The following GPR78 variants were observed in gnomAD, a reference collection of about 807,000 sequenced individuals.
GPR78 encodes G protein-coupled receptor 78.
A neutral mutation model predicts 17.9 loss-of-function variants in GPR78; 29 were observed. That is an observed-to-expected ratio of 1.62 (90% CI 1.20 to 2.21). The LOEUF is 2.21. Among genes scored for constraint, GPR78 ranks in the 30% most tolerant of loss-of-function variants. The pLI is 0.00. For missense variants in GPR78, 649 were observed against 530.5 expected, an observed-to-expected ratio of 1.22 and a Z score of -2.19; for synonymous variants, 349 against 256.9, an observed-to-expected ratio of 1.36 and a Z score of -3.43.
Position 8,582,547 on chromosome 4 carries a change from C to G in GPR78, c.685C>G (p.Leu229Val), listed in dbSNP as rs1386494226. 1.9e-6 allele frequency: 3 copies of G among 1,608,892 alleles called. No homozygotes were observed. The highest frequency in any genetic ancestry group is 1.3e-5 in the African/African-American group (1 of 74,934). ...TCCCCACAGTGTGCGGCAGCGCTGCCTCATCCAGCAGAAGCGGCGCCGCCA... is the reference window on the plus strand; with the variant it reads ...TCCCCACAGTGTGCGGCAGCGCTGCGTCATCCAGCAGAAGCGGCGCCGCCA... Reference protein sequence around the residue: ...DLHPSVRQRCLIQQKRRRHRA... With the variant: ...DLHPSVRQRCVIQQKRRRHRA... Residue 229 changes from leucine (L) to valine (V), a missense_variant, in exon 2 of 3, where the codon CTC (leucine) becomes GTC (valine). Transcript: ENST00000382487.
chr4:8,583,082 G>C (rs1713364858), intron 2 of GPR78: 3 of 173,764 alleles, frequency 1.7e-5, no homozygotes, highest in South Asian at 3.0e-4. Flanking sequence ...CTCTTTCCTG[G>C]AGACCTTGGC....
Position 8,580,683 on chromosome 4 carries a change from T to G in GPR78, c.-300T>G. 4.2e-6 allele frequency: 2 copies of G among 475,058 alleles called. No homozygotes were observed. The highest frequency in any genetic ancestry group is 7.3e-6 in the Non-Finnish European group (2 of 272,622). The allele number at this position is 475,058 out of a possible 1,614,324, so 29.4% of individuals were successfully genotyped here. ...CGCGCCCCTGCGCCTCGCTTCAGCC[T>G]CAGGACAGTCCTGCCGGGACGGTGA... is the stretch of plus-strand genomic sequence containing the variant. On this transcript the variant is annotated 5_prime_UTR_variant, in exon 1 of 3. Transcript: ENST00000382487.
rs140970706 is a variant in GPR78, at chr4:8,587,203, G to A, written c.932G>A (p.Arg311Gln). The stretch of plus-strand genomic sequence containing the variant: ...CAAGTCCTGGCCGGCATGGTGCACC[G>A]GCTGCTGAAGAGAACCCCGCGCCCA... ...FRQVLAGMVHRLLKRTPRPAS... is the reference protein window; with the variant it reads ...FRQVLAGMVHQLLKRTPRPAS... The change falls in exon 3 of 3, where the codon CGG becomes CAG. Residue 311 changes from arginine to glutamine, a missense_variant. Physicochemically the swap from Arg to Gln is conservative, Grantham distance 43. Coordinates refer to ENST00000382487, the MANE Select transcript of GPR78 (RefSeq NM_080819.5). The A allele has an allele frequency of 1.8e-4, 286 of 1,612,536 alleles. No individual in the cohort carries two copies. The highest frequency in any genetic ancestry group is 6.6e-4 in the Middle Eastern group (4 of 6,062).
chr4:8,584,623 G>A (rs1016483097), intron 2 of GPR78, among the ~76,000 whole-genome samples: 2 of 152,244 alleles, frequency 1.3e-5, no homozygotes, highest in Non-Finnish European at 2.9e-5. Flanking sequence ...GTGTTTCAGT[G>A]GGGGAGGGGT....
Position 8,581,521 on chromosome 4 carries a change from G to A in GPR78, c.539G>A (p.Gly180Asp). 6.3e-7 allele frequency: 1 copy of A among 1,589,984 alleles called. No individual in the cohort carries two copies. The highest frequency in any genetic ancestry group is 8.5e-7 in the Non-Finnish European group (1 of 1,176,194). ...TTCACCGCCACGCTCCATGCCGTGG[G>A]CTTCGTGCTGCCGCTGGCGGTGCTC... ...AAFTATLHAV[G>D]FVLPLAVLCL... Residue 180 changes from glycine to aspartate, a missense_variant, in exon 1 of 3, where the codon GGC becomes GAC. Physicochemically the swap from Gly to Asp is moderately conservative, Grantham distance 94 (BLOSUM62 -1). Transcript: ENST00000382487.
intron 2 of GPR78, 35 bp from the exon 3 acceptor site, chr4:8,587,019 C>T (rs748724679): frequency 1.9e-6 from 3 of 1,591,866 alleles, no homozygotes; most frequent in East Asian, 2.2e-5. Context: ...GGTGCTGTCA[C>T]TGTGGCTGAG....
Position 8,581,278 on chromosome 4 carries a change from C to T in GPR78, c.296C>T (p.Ala99Val), listed in dbSNP as rs370310787. 4.4e-6 allele frequency: 7 copies of T among 1,588,472 alleles called. No homozygotes were observed. The highest frequency in any genetic ancestry group is 6.0e-6 in the Non-Finnish European group (7 of 1,173,214). The change falls in exon 1 of 3, where the codon GCG becomes GTG. Residue 99 changes from alanine (A) to valine (V), a missense_variant. Transcript: ENST00000382487. ...LASNAALSVA[A>V]LSADQWLAVG... Reference sequence around the variant, plus strand: ...TCCAACGCGGCGCTGAGCGTGGCGGCGCTGAGCGCAGACCAGTGGCTGGCA... The same window carrying T: ...TCCAACGCGGCGCTGAGCGTGGCGGTGCTGAGCGCAGACCAGTGGCTGGCA...
rs1045478315 is a variant in GPR78, at chr4:8,587,519, G to A, written c.*156G>A. ...GAGGAGGAGGAGGAGAGGGCCGGAT[G>A]TGGGTGTGGACAGCAGTAGTGGCGG... On this transcript the variant is annotated 3_prime_UTR_variant, in exon 3 of 3. Coordinates refer to ENST00000382487, the MANE Select transcript of GPR78 (RefSeq NM_080819.5). The A allele has an allele frequency of 2.6e-6, 2 of 762,450 alleles. No individual in the cohort carries two copies. The highest frequency in any genetic ancestry group is 4.2e-6 in the Non-Finnish European group (2 of 476,384). 47.2% of individuals were successfully genotyped at this position (762,450 alleles called of 1,614,324 possible). A position where few individuals can be genotyped will look rare whatever the true frequency, so the allele number is the denominator to read the frequency against.
At position 8,580,745 on chromosome 4, in the gene GPR78, T is replaced by G. The variant is rs567289065; in HGVS notation, c.-238T>G. 8.3e-5 allele frequency: 46 copies of G among 553,570 alleles called. 1 individual carries two copies. The South Asian group carries it at 9.8e-4, about 12-fold the overall frequency. 34.3% of individuals were successfully genotyped at this position (553,570 alleles called of 1,614,324 possible). On this transcript the variant is annotated 5_prime_UTR_variant, in exon 1 of 3. Coordinates refer to ENST00000382487, the MANE Select transcript of GPR78 (RefSeq NM_080819.5). ...ACCCTGGACAGCACCGCGGTTGCGC[T>G]GCCTCCAGGGCGGCCCCGGGCTGCT...
At position 8,580,580 on chromosome 4, in the gene GPR78, T is replaced by C. The variant is rs377002816; in HGVS notation, c.-403T>C. 1.6e-4 allele frequency: 33 copies of C among 204,858 alleles called. No homozygotes were observed. The highest frequency in any genetic ancestry group is 7.0e-4 in the African/African-American group (30 of 42,628). The allele number at this position is 204,858 out of a possible 1,614,324, so 12.7% of individuals were successfully genotyped here. ...TGGCCCGGAACAGAAGCGCGCAGAG[T>C]CCCATCCTGCCACGCCACGAGGAGA... On this transcript the variant is annotated 5_prime_UTR_variant, in exon 1 of 3. Coordinates refer to ENST00000382487, the MANE Select transcript of GPR78 (RefSeq NM_080819.5).
rs1285140011 is a variant in GPR78, at chr4:8,581,519, G to A, written c.537G>A (p.Val179=). The A allele has an allele frequency of 6.3e-7, 1 of 1,590,874 alleles. No individual in the cohort carries two copies. Among genetic ancestry groups the A allele is most frequent in the Non-Finnish European group, 8.5e-7 (1 of 1,176,586 alleles). ...FAAFTATLHA[V]GFVLPLAVLC... ...CCTTCACCGCCACGCTCCATGCCGT[G>A]GGCTTCGTGCTGCCGCTGGCGGTGC... Residue 179 remains valine, a synonymous_variant, in exon 1 of 3, where the codon GTG becomes GTA. Transcript: ENST00000382487.
chr4:8,581,182 T>C lies in GPR78; in HGVS notation c.200T>C (p.Val67Ala). The change falls in exon 1 of 3, where the codon GTG becomes GCG. Residue 67 changes from valine to alanine, a missense_variant. Physicochemically the swap from Val to Ala is moderately conservative, Grantham distance 64. Transcript: ENST00000382487. ...ALDMPFTLLGVMRGRTPSAPG... is the reference protein window; with the variant it reads ...ALDMPFTLLGAMRGRTPSAPG... ...GACATGCCCTTCACGCTGCTCGGTG[T>C]GATGCGCGGGCGGACACCGTCGGCG... 1 of 1,602,920 alleles carries C rather than the reference T, an allele frequency of 6.2e-7. No homozygotes were observed. Among genetic ancestry groups the C allele is most frequent in the East Asian group, 2.2e-5 (1 of 44,808 alleles).
rs998692929 is a variant in GPR78, at chr4:8,588,957, C to A, written c.*1594C>A. 1.3e-5 allele frequency among the ~76,000 whole-genome samples: 2 copies of A among 152,202 alleles called. No homozygotes were observed. Among genetic ancestry groups the A allele is most frequent in the African/African-American group, 4.8e-5 (2 of 41,460 alleles). ...TCTCAGCTCACTGCAGCCTCCACCT[C>A]CCATGCTCAAGCCATCCTCCCACCT... On this transcript the variant is annotated 3_prime_UTR_variant, in exon 3 of 3. Coordinates refer to ENST00000382487, the MANE Select transcript of GPR78 (RefSeq NM_080819.5).
At chr4:8,583,892 C>A (rs1713394002) in intron 2 of GPR78, among the ~76,000 whole-genome samples, 1 of 152,218 alleles carries the variant, frequency 6.6e-6, no homozygotes, top group East Asian at 1.9e-4. Flanking sequence ...GGATCACAGG[C>A]ATCCTCCTTC....
chr4:8,581,140 T>G lies in GPR78; in HGVS notation c.158T>G (p.Leu53Arg), dbSNP rs1159453808. 6.2e-7 allele frequency: 1 copy of G among 1,605,006 alleles called. No homozygotes were observed. Among genetic ancestry groups the G allele is most frequent in the Non-Finnish European group, 8.5e-7 (1 of 1,179,768 alleles). The change falls in exon 1 of 3, where the codon CTG becomes CGG. Residue 53 changes from leucine (L) to arginine (R), a missense_variant. Coordinates refer to ENST00000382487, the MANE Select transcript of GPR78 (RefSeq NM_080819.5). Reference protein sequence around the residue: ...VLLVNLSLGHLLLAALDMPFT... With the variant: ...VLLVNLSLGHRLLAALDMPFT... ...CTGGTGAATCTGTCTCTGGGCCACC[T>G]GCTGCTGGCGGCGCTGGACATGCCC...
rs1713563542 is a variant in GPR78 at position 8,587,505 on chromosome 4, G to A, written c.*142G>A. 2 of 818,692 alleles carry A rather than the reference G, an allele frequency of 2.4e-6. No individual in the cohort carries two copies. The highest frequency in any genetic ancestry group is 3.8e-6 in the Non-Finnish European group (2 of 523,826). 50.7% of individuals were successfully genotyped at this position (818,692 alleles called of 1,614,324 possible). On this transcript the variant is annotated 3_prime_UTR_variant, in exon 3 of 3. Coordinates refer to ENST00000382487, the MANE Select transcript of GPR78 (RefSeq NM_080819.5). Reference sequence around the variant, plus strand: ...AGGCTGAAGTACAGGAGGAGGAGGAGGAGAGGGCCGGATGTGGGTGTGGAC... The same window carrying A: ...AGGCTGAAGTACAGGAGGAGGAGGAAGAGAGGGCCGGATGTGGGTGTGGAC...
chr4:8,588,238 G>A lies in GPR78; in HGVS notation c.*875G>A, dbSNP rs1713595201. ...AGCCAGGGCCCAGGTGTCCAGAGAG[G>A]GTGGCCTGGGATGGGGAGGGCCCTT... On this transcript the variant is annotated 3_prime_UTR_variant, in exon 3 of 3. Coordinates refer to ENST00000382487, the MANE Select transcript of GPR78 (RefSeq NM_080819.5). Among the ~76,000 whole-genome samples, 1 of 152,232 alleles carries A rather than the reference G, an allele frequency of 6.6e-6. No homozygotes were observed. Among genetic ancestry groups the A allele is most frequent in the African/African-American group, 2.4e-5 (1 of 41,458 alleles).
rs781638284 is a variant in GPR78 at position 8,587,102 on chromosome 4, C to T, written c.831C>T (p.Ile277=). 8.1e-6 allele frequency: 13 copies of T among 1,613,184 alleles called. No individual in the cohort carries two copies. The highest frequency in any genetic ancestry group is 1.1e-5 in the Non-Finnish European group (13 of 1,179,994). Residue 277 remains isoleucine (I), a synonymous_variant, in exon 3 of 3, where the codon ATC becomes ATT. Coordinates refer to ENST00000382487, the MANE Select transcript of GPR78 (RefSeq NM_080819.5). ...TCACCGTGAACGCCCAGTGGGGCAT[C>T]CTCAGCAAGTGCCTGACCTACAGCA... ...PFVTVNAQWG[I]LSKCLTYSKA... is the part of the protein sequence containing the mutation.
chr4:8,581,829 C>T (rs1349106710), intron 1 of GPR78, among the ~76,000 whole-genome samples, 179 bp downstream of exon 1: 8 of 150,918 alleles, frequency 5.3e-5, no homozygotes, highest in South Asian at 4.2e-4. Context: ...GCAGACACTG[C>T]GGGGGCCTCT....
Sources: gnomAD v4.1 joint callset for allele counts (sites outside exome capture counted in the v4.1 genomes callset) on GRCh38, gnomAD v4.1.1 for gene constraint, MANE v1.5 for transcripts, NCBI Gene and HGNC (gene_info 2026-07-23, HGNC 2026-07-21) for gene names.